NRXN3: variants seen among roughly 807,000 people sequenced by gnomAD.
NRXN3 encodes the protein neurexin 3, also known as neurexin III.
Under a neutral mutation model 137.6 loss-of-function variants are expected in NRXN3, and 32 were observed. The observed-to-expected ratio is 0.23, with a 90% CI of 0.18 to 0.31. NRXN3 has a LOEUF of 0.31. Ranked by LOEUF, NRXN3 falls within the 10% of genes least tolerant of loss-of-function variation. NRXN3 has a pLI of 1.00. For synonymous variants in NRXN3, 798 were observed against 784.5 expected, an observed-to-expected ratio of 1.02 and a Z score of -0.29; for missense variants, 1,574 against 2,062.5, an observed-to-expected ratio of 0.76 and a Z score of 4.59.
intron 16 of NRXN3, among the ~76,000 whole-genome samples, chr14:79,626,866 A>C (rs970934542): frequency 6.6e-6 from 1 of 152,212 alleles, no homozygotes; most frequent in African/African-American, 2.4e-5. Flanking sequence ...ACATAGAAAT[A>C]AATAAAGAAA....
chr14:78,255,742 G>A (rs902447259), intron 2 of NRXN3, among the ~76,000 whole-genome samples: 3 of 152,200 alleles, frequency 2.0e-5, no homozygotes, highest in African/African-American at 7.2e-5. Context: ...ACAAAAAGCA[G>A]GTACTCAATA....
At chr14:78,677,393 G>A (rs2098019386) in intron 6 of NRXN3, among the ~76,000 whole-genome samples, 1 of 152,002 alleles carries the variant, frequency 6.6e-6, no homozygotes, top group Admixed American at 6.6e-5. Flanking sequence ...CAAGACTTCA[G>A]TGGAGGAAGT....
At chr14:79,131,194 C>T (rs1345650462) in intron 15 of NRXN3, among the ~76,000 whole-genome samples, 4 of 152,234 alleles carry the variant, frequency 2.6e-5, no homozygotes, top group African/African-American at 7.2e-5. Flanking sequence ...AGTCATTCTC[C>T]GTCCAGCTTT....
At chr14:79,591,620 CTG>C (rs1022180972) in intron 16 of NRXN3, among the ~76,000 whole-genome samples, 2 of 152,076 alleles carry the variant, frequency 1.3e-5, no homozygotes, top group African/African-American at 4.8e-5. Context: ...TTTAAGAAAA[CTG>C]TAATTTTCAT....
intron 10 of NRXN3, among the ~76,000 whole-genome samples, chr14:78,924,253 A>C (rs915747364): frequency 6.6e-6 from 1 of 152,230 alleles, no homozygotes; most frequent in Non-Finnish European, 1.5e-5. Context: ...ACAAACAAAC[A>C]AAAAAACTTT....
intron 15 of NRXN3, among the ~76,000 whole-genome samples, chr14:79,092,321 T>A (rs1189374147): frequency 1.3e-5 from 2 of 152,196 alleles, no homozygotes; most frequent in African/African-American, 4.8e-5. Flanking sequence ...TAATACATGC[T>A]ATTGAAAAAG....
At chr14:78,307,706 G>C (rs1345794735) in intron 4 of NRXN3, among the ~76,000 whole-genome samples, 2 of 152,082 alleles carry the variant, frequency 1.3e-5, no homozygotes, top group African/African-American at 4.8e-5. Context: ...AACACTTTTT[G>C]ATGGATGTCT....
chr14:79,416,035 A>G (rs952835164), intron 15 of NRXN3, among the ~76,000 whole-genome samples: 9 of 152,102 alleles, frequency 5.9e-5, no homozygotes, highest in Non-Finnish European at 1.0e-4. Context: ...TATCAGAATC[A>G]TTATGAAGCT....
intron 6 of NRXN3, among the ~76,000 whole-genome samples, chr14:78,688,999 T>C (rs2098146278): frequency 6.6e-6 from 1 of 152,112 alleles, no homozygotes; most frequent in South Asian, 2.1e-4. Flanking sequence ...CTATATTCTG[T>C]ACTCTCTGGC....
intron 10 of NRXN3, among the ~76,000 whole-genome samples, chr14:78,940,861 A>C (rs2099351620): frequency 6.6e-6 from 1 of 152,228 alleles, no homozygotes; most frequent in Admixed American, 6.5e-5. Context: ...TCAAGCTGTG[A>C]ATTAGAACTT....
chr14:79,047,868 C>T (rs940735512), intron 15 of NRXN3, among the ~76,000 whole-genome samples: 16 of 152,228 alleles, frequency 1.1e-4, no homozygotes, highest in African/African-American at 3.9e-4. Flanking sequence ...GGAAAAATTG[C>T]AGTTTTTAAT....
intron 14 of NRXN3, among the ~76,000 whole-genome samples, chr14:78,970,838 C>T (rs1598056988): frequency 3.9e-5 from 6 of 152,180 alleles, no homozygotes. Context: ...GGCTTGATGG[C>T]TCCACCATCT....
At chr14:78,939,615 G>C (rs2099349142) in intron 10 of NRXN3, among the ~76,000 whole-genome samples, 1 of 152,178 alleles carries the variant, frequency 6.6e-6, no homozygotes, top group Admixed American at 6.5e-5. Context: ...CAATTAGCCT[G>C]GTGACTAGAT....
intron 15 of NRXN3, among the ~76,000 whole-genome samples, chr14:79,337,983 ACT>A (rs1364888277): frequency 1.6e-4 from 24 of 151,932 alleles, no homozygotes; most frequent in Non-Finnish European, 2.4e-4. Context: ...GACTCCTAAG[ACT>A]CTGTCCTGTC....
At chr14:79,639,192 A>G (rs1474513995) in intron 16 of NRXN3, among the ~76,000 whole-genome samples, 1 of 152,162 alleles carries the variant, frequency 6.6e-6, no homozygotes, top group Non-Finnish European at 1.5e-5. Flanking sequence ...AAATTTAAAG[A>G]GATATTGGAC....
At chr14:78,829,030 G>C (rs189683261) in intron 10 of NRXN3, among the ~76,000 whole-genome samples, 1 of 152,142 alleles carries the variant, frequency 6.6e-6, no homozygotes. Flanking sequence ...TTGGGAAAGA[G>C]CATTCTGTGC....
chr14:79,607,340 C>T (rs1428035914), intron 16 of NRXN3, among the ~76,000 whole-genome samples: 2 of 152,184 alleles, frequency 1.3e-5, no homozygotes, highest in East Asian at 1.9e-4. Context: ...ACAAATCACT[C>T]TTCTAACACT....
rs545675694 is a variant in NRXN3 at position 79,540,898 on chromosome 14, C to A, written c.3444+73496C>A. 1.9e-3 allele frequency among the ~76,000 whole-genome samples: 289 copies of A among 151,984 alleles called. 6 individuals carry two copies. Among genetic ancestry groups the A allele is most frequent in the Middle Eastern group, 0.014 (4 of 294 alleles). ...GGACCACAAACTTGGTGGAATCAAA[C>A]AAAGATTTTTTTTTTCTTTTGTCAC... On this transcript the variant is annotated intron_variant, in intron 16 of 20. Transcript: ENST00000335750.
intron 15 of NRXN3, among the ~76,000 whole-genome samples, chr14:79,464,411 GTTTA>G (rs2096394888): frequency 6.6e-6 from 1 of 151,560 alleles, no homozygotes; most frequent in Non-Finnish European, 1.5e-5. Flanking sequence ...TTTGTTTTTT[GTTTA>G]TTTAAAGATT....
Sources: allele counts gnomAD v4.1 joint callset (sites outside exome capture counted in the v4.1 genomes callset), GRCh38; gene constraint gnomAD v4.1.1; transcripts MANE v1.5; gene names NCBI Gene and HGNC (gene_info 2026-07-23, HGNC 2026-07-21).